CDH12: variants seen among roughly 807,000 people sequenced by gnomAD.
The protein encoded by CDH12 is cadherin 12, also known as cadherin-12.
A neutral mutation model predicts 74.1 loss-of-function variants in CDH12; 41 were observed. The ratio of observed to expected loss-of-function variants is 0.55; its 90% CI spans 0.43 to 0.72. The LOEUF (loss-of-function observed/expected upper bound fraction) is 0.72. Ranked by LOEUF, CDH12 falls within the 30% of genes least tolerant of loss-of-function variation. CDH12 has a pLI of 0.00. For missense variants in CDH12, 945 were observed against 977.2 expected (o/e 0.97, Z 0.44); for synonymous variants, 399 against 355.0 (o/e 1.12, Z -1.39).
rs533051578 is a variant in CDH12 at position 22,157,506 on chromosome 5, G to T, written c.-187+54992C>A. Reference sequence around the variant, plus strand: ...TTCCATCAAAGTCATTTGCAAATATGATCTCAAGATGGATATCCAGATTCT... The same window carrying T: ...TTCCATCAAAGTCATTTGCAAATATTATCTCAAGATGGATATCCAGATTCT... On this transcript the variant is annotated intron_variant, in intron 4 of 14. Coordinates refer to ENST00000382254, the MANE Select transcript of CDH12 (RefSeq NM_004061.5). 3.3e-5 allele frequency among the ~76,000 whole-genome samples: 5 copies of T among 151,934 alleles called. No homozygotes were observed. The South Asian group carries it at 8.3e-4, about 25-fold the overall frequency.
intron 5 of CDH12, among the ~76,000 whole-genome samples, chr5:22,044,086 C>A (rs1177121742): frequency 1.3e-5 from 2 of 151,996 alleles, no homozygotes; most frequent in African/African-American, 2.4e-5. Flanking sequence ...AGAAAAAAAT[C>A]CTAAAAATCA....
chr5:21,899,133 TA>T (rs1753266379), intron 6 of CDH12, among the ~76,000 whole-genome samples: 1 of 152,228 alleles, frequency 6.6e-6, no homozygotes, highest in Non-Finnish European at 1.5e-5. Context: ...CATCTAAATT[TA>T]ACAATCATAA....
chr5:22,764,551 A>G (rs1746401971), intron 1 of CDH12, among the ~76,000 whole-genome samples: 1 of 152,046 alleles, frequency 6.6e-6, no homozygotes, highest in Non-Finnish European at 1.5e-5. Flanking sequence ...ACATGGTATT[A>G]TAAAATCTCA....
intron 6 of CDH12, among the ~76,000 whole-genome samples, chr5:21,864,083 T>C (rs1751196763): frequency 6.6e-6 from 1 of 152,056 alleles, no homozygotes. Flanking sequence ...CATTCTATTA[T>C]ATAAAAAAGG....
At chr5:22,219,762 C>T (rs1751946447) in intron 3 of CDH12, among the ~76,000 whole-genome samples, 1 of 151,620 alleles carries the variant, frequency 6.6e-6, no homozygotes, top group Admixed American at 6.6e-5. Context: ...AATTATGAAT[C>T]CTTGGGCTCG....
rs541763355 is a variant in CDH12, at chr5:22,390,317, G to A, written c.-333+14940C>T. 1.4e-4 allele frequency among the ~76,000 whole-genome samples: 21 copies of A among 152,214 alleles called. No homozygotes were observed. The South Asian group carries it at 4.4e-3, about 32-fold the overall frequency. On this transcript the variant is annotated intron_variant, in intron 3 of 14. Transcript: ENST00000382254. The stretch of plus-strand genomic sequence containing the variant: ...CTGACACTTTTTGTTTAAATAACAA[G>A]TAACTAGAAAACTATGTCTACAATA...
Position 22,781,777 on chromosome 5 carries a change from A to C in CDH12, c.-523+71281T>G, listed in dbSNP as rs910472706. Among the ~76,000 whole-genome samples the C allele has an allele frequency of 2.4e-4, 36 of 152,114 alleles. 1 individual carries two copies. The highest frequency in any genetic ancestry group is 8.2e-4 in the African/African-American group (34 of 41,414). ...TCCAAGCTTCTAGGGATACTATTGA[A>C]TAGCAGACAAGGGATTGGAGGAAAT... On this transcript the variant is annotated intron_variant, in intron 1 of 14. Transcript: ENST00000382254.
intron 4 of CDH12, among the ~76,000 whole-genome samples, chr5:22,135,290 A>G (rs533794696): frequency 1.2e-3 from 182 of 151,668 alleles, no homozygotes; most frequent in African/African-American, 4.0e-3. Context: ...TTGTTTTTCA[A>G]ATGATATGGT....
At chr5:22,540,044 T>A (rs893165732) in intron 1 of CDH12, among the ~76,000 whole-genome samples, 8 of 152,192 alleles carry the variant, frequency 5.3e-5, no homozygotes, top group Admixed American at 5.2e-4. Context: ...CTACTGTGAT[T>A]TCTTGTTTTT....
At chr5:22,619,468 T>C (rs912358631) in intron 1 of CDH12, among the ~76,000 whole-genome samples, 2 of 152,114 alleles carry the variant, frequency 1.3e-5, no homozygotes, top group Non-Finnish European at 2.9e-5. Context: ...GTCTCTGAAT[T>C]CTGAATACAT....
chr5:21,833,151 C>T (rs369722735), intron 8 of CDH12, among the ~76,000 whole-genome samples: 158 of 30,000 alleles, frequency 5.3e-3, no homozygotes, highest in Middle Eastern at 0.042. Context: ...TATTATATAA[C>T]ATATAATATA....
chr5:22,561,197 T>C (rs1332174330), intron 1 of CDH12, among the ~76,000 whole-genome samples: 1 of 152,114 alleles, frequency 6.6e-6, no homozygotes, highest in African/African-American at 2.4e-5. Flanking sequence ...GCTGTCATAT[T>C]TGGAGACATT....
At chr5:22,822,011 G>A (rs190453312) in intron 1 of CDH12, among the ~76,000 whole-genome samples, 6,672 of 152,098 alleles carry the variant, frequency 0.044, 501 homozygotes, top group African/African-American at 0.15. Context: ...CCAAAACAGT[G>A]TGGTACTGGT....
chr5:22,673,688 A>G (rs928949800), intron 1 of CDH12, among the ~76,000 whole-genome samples: 1 of 152,162 alleles, frequency 6.6e-6, no homozygotes, highest in Non-Finnish European at 1.5e-5. Context: ...AAAATAATTT[A>G]TGTAAGTGAA....
At chr5:22,572,724 A>G (rs78434074) in intron 1 of CDH12, among the ~76,000 whole-genome samples, 3 of 152,280 alleles carry the variant, frequency 2.0e-5, no homozygotes, top group South Asian at 2.1e-4. Flanking sequence ...TCTTCTTCTT[A>G]TCTGATTTCT....
chr5:22,087,262 C>A (rs1743127901), intron 4 of CDH12, among the ~76,000 whole-genome samples: 1 of 152,088 alleles, frequency 6.6e-6, no homozygotes, highest in African/African-American at 2.4e-5. Context: ...AGAGGGGAAA[C>A]TGGGACTCAG....
intron 1 of CDH12, among the ~76,000 whole-genome samples, chr5:22,769,463 G>C (rs1237747784): frequency 1.3e-5 from 2 of 152,112 alleles, no homozygotes; most frequent in African/African-American, 2.4e-5. Flanking sequence ...CAGGCTGAAG[G>C]CTGCACTGTT....
At chr5:22,730,675 G>A (rs918749247) in intron 1 of CDH12, among the ~76,000 whole-genome samples, 2 of 151,724 alleles carry the variant, frequency 1.3e-5, no homozygotes. Context: ...TGTTCACATT[G>A]AAGTTGGGAA....
intron 2 of CDH12, among the ~76,000 whole-genome samples, chr5:22,496,924 T>A (rs1190570392): frequency 2.0e-5 from 3 of 152,164 alleles, no homozygotes; most frequent in Non-Finnish European, 1.5e-5. Context: ...AATCAAATCC[T>A]GGGTCAAGTT....
Sources: gnomAD v4.1 joint callset for allele counts (sites outside exome capture counted in the v4.1 genomes callset) on GRCh38, gnomAD v4.1.1 for gene constraint, MANE v1.5 for transcripts, NCBI Gene and HGNC (gene_info 2026-07-23, HGNC 2026-07-21) for gene names.